Variants in PTPRT observed in about 807,000 individuals in gnomAD.
The protein encoded by PTPRT is protein tyrosine phosphatase receptor type T.
A neutral mutation model predicts 176.8 loss-of-function variants in PTPRT; 56 were observed. That is an observed-to-expected ratio of 0.32 (90% CI 0.26 to 0.40). The LOEUF (loss-of-function observed/expected upper bound fraction) is 0.40. Among genes scored for constraint, PTPRT ranks in the 10% least tolerant of loss-of-function variants. PTPRT has a pLI of 1.00. For synonymous variants in PTPRT, 783 were observed against 739.0 expected, an observed-to-expected ratio of 1.06 and a Z score of -0.96; for missense variants, 1,540 against 1,908.2, an observed-to-expected ratio of 0.81 and a Z score of 3.60.
At chr20:42,179,432 C>A (rs80033399) in intron 16 of PTPRT, among the ~76,000 whole-genome samples, 3 of 152,106 alleles carry the variant, frequency 2.0e-5, no homozygotes, top group African/African-American at 7.2e-5. Flanking sequence ...AATCTTTAAT[C>A]GTTAAAGAGT....
chr20:42,528,855 G>T (rs2072325999), intron 7 of PTPRT, among the ~76,000 whole-genome samples: 1 of 152,228 alleles, frequency 6.6e-6, no homozygotes, highest in East Asian at 1.9e-4. Context: ...CATATATCCT[G>T]GATTTTTCCG....
intron 2 of PTPRT, among the ~76,000 whole-genome samples, chr20:42,816,063 C>T (rs1350117990): frequency 6.6e-6 from 1 of 152,136 alleles, no homozygotes; most frequent in African/African-American, 2.4e-5. Context: ...CAAAAGTCTT[C>T]TTTCTTGGGC....
At chr20:42,933,946 A>G (rs950605164) in intron 1 of PTPRT, among the ~76,000 whole-genome samples, 3 of 152,220 alleles carry the variant, frequency 2.0e-5, no homozygotes, top group African/African-American at 7.2e-5. Context: ...TCAACATCCT[A>G]TGCAATTTTT....
At chr20:43,013,818 C>T (rs2146158698) in intron 1 of PTPRT, among the ~76,000 whole-genome samples, 1 of 152,310 alleles carries the variant, frequency 6.6e-6, no homozygotes, top group East Asian at 1.9e-4. Context: ...GAAGAAAGGG[C>T]TCCAGGCAGA....
intron 1 of PTPRT, among the ~76,000 whole-genome samples, chr20:43,072,958 A>G (rs1287156307): frequency 6.6e-6 from 1 of 152,196 alleles, no homozygotes; most frequent in Non-Finnish European, 1.5e-5. Context: ...CTTTACCATA[A>G]GATCAAGGCA....
chr20:42,705,395 T>C lies in PTPRT; in HGVS notation c.860-27236A>G, dbSNP rs372999087. Reference sequence around the variant, plus strand: ...GGATAGGTGGTGGAGTTAGGAGCAATTTTTGCAGGCAGCATTCACAAGGGC... The same window carrying C: ...GGATAGGTGGTGGAGTTAGGAGCAACTTTTGCAGGCAGCATTCACAAGGGC... On this transcript the variant is annotated intron_variant, in intron 6 of 30. Transcript: ENST00000373187. 3.3e-5 allele frequency among the ~76,000 whole-genome samples: 5 copies of C among 150,540 alleles called. No individual in the cohort carries two copies. In the East Asian group the frequency reaches 5.9e-4, roughly 18 times the overall value.
chr20:42,476,715 G>A (rs960206294), intron 7 of PTPRT, among the ~76,000 whole-genome samples: 4 of 152,240 alleles, frequency 2.6e-5, no homozygotes, highest in East Asian at 3.9e-4. Flanking sequence ...CTGAGAACTC[G>A]CATTCAGGAA....
chr20:42,046,299 C>A, the PTPRT span, among the ~76,000 whole-genome samples: 1 of 152,370 alleles, frequency 6.6e-6, no homozygotes, highest in African/African-American at 2.4e-5. Flanking sequence ...CCCACCCAAT[C>A]TAAGAGGCTG....
At chr20:42,658,241 G>GT (rs2075161919) in intron 7 of PTPRT, among the ~76,000 whole-genome samples, 1 of 152,116 alleles carries the variant, frequency 6.6e-6, no homozygotes, top group Non-Finnish European at 1.5e-5. Context: ...TGTTCTGTGT[G>GT]TTTCTGTTTA....
intron 7 of PTPRT, among the ~76,000 whole-genome samples, chr20:42,556,605 G>T (rs1601258875): frequency 1.3e-5 from 2 of 152,028 alleles, no homozygotes; most frequent in African/African-American, 4.8e-5. Context: ...AAAGCTCAGA[G>T]ACATGAAGTA....
chr20:42,701,248 A>C (rs576428464), intron 6 of PTPRT, among the ~76,000 whole-genome samples: 11 of 152,316 alleles, frequency 7.2e-5, no homozygotes, highest in Non-Finnish European at 1.6e-4. Flanking sequence ...ATTCCTGCTC[A>C]TTCTGGAGAA....
At chr20:42,398,255 T>C (rs1475933567) in intron 9 of PTPRT, among the ~76,000 whole-genome samples, 2 of 152,226 alleles carry the variant, frequency 1.3e-5, no homozygotes, top group East Asian at 3.8e-4. Flanking sequence ...AACTAATGGT[T>C]AATAAAATGA....
At chr20:42,277,703 T>C (rs575607286) in intron 13 of PTPRT, among the ~76,000 whole-genome samples, 12 of 152,232 alleles carry the variant, frequency 7.9e-5, no homozygotes, top group Admixed American at 4.6e-4. Context: ...GAGATCTCTA[T>C]CACAGCAGGA....
At chr20:43,131,348 G>T (rs781557166) in intron 1 of PTPRT, among the ~76,000 whole-genome samples, 1 of 152,190 alleles carries the variant, frequency 6.6e-6, no homozygotes, top group African/African-American at 2.4e-5. Flanking sequence ...TCCCTGCTGG[G>T]TAATTCCAGG....
rs137987312 is a variant in PTPRT at position 43,132,915 on chromosome 20, T to C, written c.88+56731A>G. The stretch of plus-strand genomic sequence containing the variant: ...ATATAATATGACATATAATTATATA[T>C]GAGTAAAGGAAAAGGTAAAGTGTTT... On this transcript the variant is annotated intron_variant, in intron 1 of 30. Transcript: ENST00000373187. Among the ~76,000 whole-genome samples, 124 of 152,282 alleles carry C rather than the reference T, an allele frequency of 8.1e-4. 2 individuals are homozygous for C. The highest frequency in any genetic ancestry group is 2.6e-3 in the African/African-American group (108 of 41,572).
intron 7 of PTPRT, among the ~76,000 whole-genome samples, chr20:42,476,289 A>C (rs891033773): frequency 6.6e-6 from 1 of 152,140 alleles, no homozygotes; most frequent in East Asian, 1.9e-4. Flanking sequence ...AAATAAACCC[A>C]CTGGGGGCTT....
intron 1 of PTPRT, among the ~76,000 whole-genome samples, chr20:42,923,947 C>T (rs540797639): frequency 8.5e-5 from 13 of 152,118 alleles, no homozygotes; most frequent in Non-Finnish European, 1.8e-4. Context: ...TGGGTTCAAA[C>T]GATTCTCGTG....
At chr20:42,254,512 T>G (rs1014203767) in intron 13 of PTPRT, among the ~76,000 whole-genome samples, 5 of 152,136 alleles carry the variant, frequency 3.3e-5, no homozygotes, top group African/African-American at 9.7e-5. Flanking sequence ...GAAGGGAAGA[T>G]TCAGATGAGA....
intron 7 of PTPRT, among the ~76,000 whole-genome samples, chr20:42,631,856 C>T (rs1485747846): frequency 2.0e-5 from 3 of 152,152 alleles, no homozygotes; most frequent in Admixed American, 6.6e-5. Context: ...AGAAGACTGG[C>T]CCCTTGACCA....
Sources: allele counts gnomAD v4.1 joint callset (sites outside exome capture counted in the v4.1 genomes callset), GRCh38; gene constraint gnomAD v4.1.1; transcripts MANE v1.5; gene names NCBI Gene and HGNC (gene_info 2026-07-23, HGNC 2026-07-21).